The following QSER1 variants were observed in gnomAD, a reference collection of about 807,000 sequenced individuals.
The protein encoded by QSER1 is glutamine and serine rich 1.
Under a neutral mutation model 158.5 loss-of-function variants are expected in QSER1, and 49 were observed. The ratio of observed to expected loss-of-function variants is 0.31; its 90% CI spans 0.25 to 0.39. The LOEUF is 0.39. Among genes scored for constraint, QSER1 ranks in the 10% least tolerant of loss-of-function variants. The probability of loss-of-function intolerance (pLI) is 1.00; values close to 1 mark genes in which losing one functional copy is unlikely to be tolerated. For synonymous variants in QSER1, 650 were observed against 715.5 expected, an observed-to-expected ratio of 0.91 and a Z score of 1.46; for missense variants, 1,754 against 2,010.3, an observed-to-expected ratio of 0.87 and a Z score of 2.44.
intron 10 of QSER1, 122 bp from the exon 11 acceptor site, chr11:32,973,263 AGGTGTTTGTGTG>A: frequency 2.4e-6 from 2 of 844,626 alleles, no homozygotes; most frequent in South Asian, 1.5e-5. Context: ...CTCTGCAAAT[AGGTGTTTGTGTG>A]CACACACACC....
rs1255146974 is a variant in QSER1, at chr11:32,892,927, G to A, written c.-199G>A. Among the ~76,000 whole-genome samples the A allele has an allele frequency of 7.0e-6, 1 of 143,324 alleles. No individual in the cohort carries two copies. Among genetic ancestry groups the A allele is most frequent in the Non-Finnish European group, 1.5e-5 (1 of 65,580 alleles). The allele number at this position is 143,324 out of a possible 152,430, so 94.0% of individuals were successfully genotyped here. A position where few individuals can be genotyped will look rare whatever the true frequency, so the allele number is the denominator to read the frequency against. On this transcript the variant is annotated 5_prime_UTR_variant, in exon 1 of 13. Transcript: ENST00000650167. Reference sequence around the variant, plus strand: ...ACGCCCAGCTGGGGCCTCGCCGCCCGCCGCGGCCCGGGTCTTTGCGGCCCA... The same window carrying A: ...ACGCCCAGCTGGGGCCTCGCCGCCCACCGCGGCCCGGGTCTTTGCGGCCCA...
Position 32,932,956 on chromosome 11 carries a change from T to C in QSER1, c.1698T>C (p.Val566=). The change falls in exon 4 of 13, where the codon GTT becomes GTC. Residue 566 remains valine (V), a synonymous_variant. Coordinates refer to ENST00000650167, the MANE Select transcript of QSER1 (RefSeq NM_001076786.3). ...GTCACTCTCAGGGTTTATCACCAGTTAGCCAGACACAGGTTAGCTATTCAT... is the reference window on the plus strand; with the variant it reads ...GTCACTCTCAGGGTTTATCACCAGTCAGCCAGACACAGGTTAGCTATTCAT... The part of the protein sequence containing the change: ...SSGHSQGLSP[V]SQTQVSYSSQ... The C allele has an allele frequency of 6.2e-7, 1 of 1,613,406 alleles. No individual in the cohort carries two copies.
At position 32,934,630 on chromosome 11, in the gene QSER1, T is replaced by G. The variant is rs954710928; in HGVS notation, c.3372T>G (p.Val1124=). The stretch of plus-strand genomic sequence containing the variant: ...CTGAAGAAGACAGTGAAGCTCCTGT[T>G]GATAGTACATTAAATAATAACAGAA... ...LESEEDSEAP[V]DSTLNNNRNQ... is the part of the protein sequence containing the mutation. The change falls in exon 4 of 13, where the codon GTT becomes GTG. Residue 1124 remains valine, a synonymous_variant. Coordinates refer to ENST00000650167, the MANE Select transcript of QSER1 (RefSeq NM_001076786.3). The G allele has an allele frequency of 3.7e-6, 6 of 1,613,752 alleles. No individual in the cohort carries two copies. The highest frequency in any genetic ancestry group is 5.1e-6 in the Non-Finnish European group (6 of 1,179,970).
chr11:32,914,890 C>T (rs1590718053), intron 1 of QSER1, among the ~76,000 whole-genome samples: 1 of 152,030 alleles, frequency 6.6e-6, no homozygotes, highest in African/African-American at 2.4e-5. Context: ...AATCTGATAA[C>T]TAATCTTTGT....
At chr11:32,896,535 C>T (rs1443587773) in intron 1 of QSER1, among the ~76,000 whole-genome samples, 2 of 151,962 alleles carry the variant, frequency 1.3e-5, no homozygotes, top group Non-Finnish European at 2.9e-5. Context: ...TGGGGCTTCA[C>T]CGCATTGGCC....
intron 8 of QSER1, among the ~76,000 whole-genome samples, chr11:32,963,409 G>A (rs188431526): frequency 1.6e-3 from 244 of 152,296 alleles, no homozygotes; most frequent in African/African-American, 5.6e-3. Flanking sequence ...AGGCTGGAGT[G>A]CAGTGGCGCG....
At chr11:32,940,875 A>AT (rs1044748475) in intron 4 of QSER1, among the ~76,000 whole-genome samples, 7 of 151,272 alleles carry the variant, frequency 4.6e-5, no homozygotes, top group African/African-American at 7.3e-5. Flanking sequence ...AACTACTTTT[A>AT]TTTTTTTGCT....
intron 1 of QSER1, among the ~76,000 whole-genome samples, chr11:32,917,507 C>T (rs1851847711): frequency 6.6e-6 from 1 of 151,998 alleles, no homozygotes; most frequent in African/African-American, 2.4e-5. Context: ...TAATCTTTAT[C>T]CCATTGAACA....
intron 1 of QSER1, among the ~76,000 whole-genome samples, chr11:32,913,471 G>C (rs553940308): frequency 6.6e-6 from 1 of 151,898 alleles, no homozygotes; most frequent in South Asian, 2.1e-4. Context: ...GGGATTACAG[G>C]TGCGAGCTAC....
At chr11:32,905,792 G>A (rs1851684309) in intron 1 of QSER1, among the ~76,000 whole-genome samples, 1 of 151,934 alleles carries the variant, frequency 6.6e-6, no homozygotes, top group Admixed American at 6.6e-5. Context: ...GATCTACTGG[G>A]CTGCCTTTTA....
chr11:32,965,218 C>T (rs551796744), intron 8 of QSER1, among the ~76,000 whole-genome samples: 1 of 152,204 alleles, frequency 6.6e-6, no homozygotes, highest in Non-Finnish European at 1.5e-5. Context: ...CTCAAGCAAT[C>T]CTCCCGCCTC....
At chr11:32,930,197 G>A (rs1852027806) in intron 3 of QSER1, among the ~76,000 whole-genome samples, 1 of 152,164 alleles carries the variant, frequency 6.6e-6, no homozygotes, top group Non-Finnish European at 1.5e-5. Context: ...GTAAAGAGCA[G>A]TAGAGTCAAT....
chr11:32,904,635 CT>C (rs1312408814), intron 1 of QSER1, among the ~76,000 whole-genome samples: 1 of 113,224 alleles, frequency 8.8e-6, no homozygotes, highest in Non-Finnish European at 1.7e-5. Flanking sequence ...GAACCATCTT[CT>C]CTTTTACCTT....
At chr11:32,935,790 A>C (rs1001133455) in intron 4 of QSER1, among the ~76,000 whole-genome samples, 1 of 152,244 alleles carries the variant, frequency 6.6e-6, no homozygotes, top group African/African-American at 2.4e-5. Context: ...CTGAAGATTA[A>C]CATTTTATTA....
intron 4 of QSER1, among the ~76,000 whole-genome samples, chr11:32,940,371 AC>A (rs1852212047): frequency 6.6e-6 from 1 of 152,082 alleles, no homozygotes; most frequent in African/African-American, 2.4e-5. Context: ...CTTGGTCATG[AC>A]AGATTATTTT....
At chr11:32,949,262 G>C (rs1268866001) in intron 4 of QSER1, among the ~76,000 whole-genome samples, 1 of 151,918 alleles carries the variant, frequency 6.6e-6, no homozygotes, top group Admixed American at 6.6e-5. Flanking sequence ...CTCTGTTTTT[G>C]TTCACAGATA....
At chr11:32,970,944 T>G (rs919840258) in intron 10 of QSER1, among the ~76,000 whole-genome samples, 1 of 136,286 alleles carries the variant, frequency 7.3e-6, no homozygotes, top group Admixed American at 8.3e-5. Flanking sequence ...TAAAGCAATT[T>G]GCTTTTTTTT....
intron 4 of QSER1, among the ~76,000 whole-genome samples, chr11:32,952,877 A>G: frequency 7.1e-6 from 1 of 140,488 alleles, no homozygotes; most frequent in South Asian, 2.2e-4. Flanking sequence ...GTCTTGGCTC[A>G]CTGCAATCTC....
rs1339517738 is a variant in QSER1 at position 32,924,930 on chromosome 11, T to C, written c.210-2227T>C. Reference sequence around the variant, plus strand: ...CAGTTTCTATTATTGCCATCTTTATTTCCAAGTACGCAATGTTTAGCTCCC... The same window carrying C: ...CAGTTTCTATTATTGCCATCTTTATCTCCAAGTACGCAATGTTTAGCTCCC... On this transcript the variant is annotated intron_variant, in intron 1 of 12. Coordinates refer to ENST00000650167, the MANE Select transcript of QSER1 (RefSeq NM_001076786.3). Among the ~76,000 whole-genome samples the C allele has an allele frequency of 3.3e-5, 5 of 152,302 alleles. No homozygotes were observed. In the South Asian group the frequency reaches 6.2e-4, roughly 19 times the overall value.
Sources: gnomAD v4.1 joint callset for allele counts (sites outside exome capture counted in the v4.1 genomes callset) on GRCh38, gnomAD v4.1.1 for gene constraint, MANE v1.5 for transcripts, NCBI Gene and HGNC (gene_info 2026-07-23, HGNC 2026-07-21) for gene names.